The following UGT8 variants were observed in gnomAD, a reference collection of about 807,000 sequenced individuals.
The protein encoded by UGT8 is 2-hydroxyacylsphingosine 1-beta-galactosyltransferase.
UGT8 carries 12 observed loss-of-function variants against 40.5 expected under a neutral mutation model. The observed-to-expected ratio is 0.30, with a 90% confidence interval of 0.19 to 0.48. The LOEUF (loss-of-function observed/expected upper bound fraction) is 0.48, where lower values mean the gene tolerates loss of function less well. Ranked by LOEUF, UGT8 falls within the 20% of genes least tolerant of loss-of-function variation. The probability of loss-of-function intolerance (pLI) is 0.99; values close to 1 mark genes in which losing one functional copy is unlikely to be tolerated. For missense variants in UGT8, 513 were observed against 648.7 expected, an observed-to-expected ratio of 0.79 and a Z score of 2.27; for synonymous variants, 224 against 240.4, an observed-to-expected ratio of 0.93 and a Z score of 0.63.
At position 114,598,917 on chromosome 4, in the gene UGT8, GGATACAATTACGCGGCA is replaced by G. The variant is rs1310703399; in HGVS notation, c.-57_-41del. 1 of 152,176 alleles carries G rather than the reference GGATACAATTACGCGGCA, an allele frequency of 6.6e-6. No individual in the cohort carries two copies. The highest frequency in any genetic ancestry group is 1.5e-5 in the Non-Finnish European group (1 of 68,114). 9.4% of individuals were successfully genotyped at this position (152,176 alleles called of 1,614,324 possible). On this transcript the variant is annotated 5_prime_UTR_variant, in exon 1 of 6. Transcript: ENST00000310836. ...CACAAACACAGGTCCCTTCTGTCCCGGATACAATTACGCGGCAGACACACACTCAAACTCGCGCGGGG... is the reference window on the plus strand; with the variant it reads ...CACAAACACAGGTCCCTTCTGTCCCGGACACACACTCAAACTCGCGCGGGG...
Position 114,652,815 on chromosome 4 carries a change from T to G in UGT8, c.823-11180T>G, listed in dbSNP as rs114733902. ...TTGATAACTGATGTTTATTCTAACGTTGGAGTCTTTGCTGGGTCCAGTTAG... is the reference window on the plus strand; with the variant it reads ...TTGATAACTGATGTTTATTCTAACGGTGGAGTCTTTGCTGGGTCCAGTTAG... On this transcript the variant is annotated intron_variant, in intron 2 of 5. Coordinates refer to ENST00000310836, the MANE Select transcript of UGT8 (RefSeq NM_001128174.3). Among the ~76,000 whole-genome samples, 1,099 of 152,188 alleles carry G rather than the reference T, an allele frequency of 7.2e-3. 15 individuals carry two copies. The highest frequency in any genetic ancestry group is 0.025 in the African/African-American group (1,018 of 41,540).
intron 2 of UGT8, among the ~76,000 whole-genome samples, chr4:114,662,942 G>C (rs1056965226): frequency 6.7e-6 from 1 of 148,234 alleles, no homozygotes; most frequent in African/African-American, 2.5e-5. Context: ...TCAGCCTCTC[G>C]AGTAGCTGGG....
At chr4:114,640,033 G>T (rs369751602) in intron 2 of UGT8, among the ~76,000 whole-genome samples, 25 of 139,226 alleles carry the variant, frequency 1.8e-4, no homozygotes, top group Non-Finnish European at 2.3e-4. Flanking sequence ...ATGTTTGTTT[G>T]TTTTTTTTTT....
At chr4:114,633,944 A>G (rs962543274) in intron 2 of UGT8, among the ~76,000 whole-genome samples, 1 of 152,092 alleles carries the variant, frequency 6.6e-6, no homozygotes, top group Admixed American at 6.5e-5. Flanking sequence ...ACTGTCTAAA[A>G]AAAAAAAAGG....
At chr4:114,654,010 CTG>C (rs1219448814) in intron 2 of UGT8, among the ~76,000 whole-genome samples, 1 of 152,078 alleles carries the variant, frequency 6.6e-6, no homozygotes, top group African/African-American at 2.4e-5. Context: ...GCACTGCGCT[CTG>C]TCTTTGTTGG....
At chr4:114,650,721 G>T (rs1195253423) in intron 2 of UGT8, among the ~76,000 whole-genome samples, 1 of 151,888 alleles carries the variant, frequency 6.6e-6, no homozygotes, top group Non-Finnish European at 1.5e-5. Context: ...CAGTCTTCAG[G>T]TTACAGGAAT....
At chr4:114,617,949 A>G (rs947127145) in intron 1 of UGT8, among the ~76,000 whole-genome samples, 2 of 152,224 alleles carry the variant, frequency 1.3e-5, no homozygotes, top group African/African-American at 2.4e-5. Context: ...ATCCTGAAAA[A>G]TATAAGAAAA....
At chr4:114,645,708 A>C (rs1473696529) in intron 2 of UGT8, among the ~76,000 whole-genome samples, 1 of 152,216 alleles carries the variant, frequency 6.6e-6, no homozygotes, top group African/African-American at 2.4e-5. Flanking sequence ...AATGACCTTA[A>C]GTTGACATGT....
chr4:114,645,458 T>G (rs982377690), intron 2 of UGT8, among the ~76,000 whole-genome samples: 1 of 152,224 alleles, frequency 6.6e-6, no homozygotes, highest in Non-Finnish European at 1.5e-5. Flanking sequence ...CCTGTATTTC[T>G]AACCACTGTT....
At chr4:114,669,973 A>G (rs1468154206) in intron 5 of UGT8, among the ~76,000 whole-genome samples, 1 of 152,186 alleles carries the variant, frequency 6.6e-6, no homozygotes, top group Non-Finnish European at 1.5e-5. Flanking sequence ...GGTGATAATT[A>G]TTGAAAATAT....
intron 2 of UGT8, among the ~76,000 whole-genome samples, chr4:114,649,663 C>T (rs1733784886): frequency 6.6e-6 from 1 of 152,110 alleles, no homozygotes; most frequent in South Asian, 2.1e-4. Flanking sequence ...CATTGGCTAG[C>T]TATGTGTCCA....
chr4:114,608,239 C>CT (rs1319887668), intron 1 of UGT8, among the ~76,000 whole-genome samples: 2 of 152,156 alleles, frequency 1.3e-5, no homozygotes, highest in African/African-American at 4.8e-5. Flanking sequence ...TTCCCAGTCT[C>CT]TGTCACTTTT....
chr4:114,638,508 G>A (rs957881874), intron 2 of UGT8, among the ~76,000 whole-genome samples: 1 of 152,254 alleles, frequency 6.6e-6, no homozygotes, highest in East Asian at 1.9e-4. Flanking sequence ...AATTTTAGGA[G>A]CATTCATCTG....
At chr4:114,648,117 T>C (rs1733687380) in intron 2 of UGT8, among the ~76,000 whole-genome samples, 1 of 152,196 alleles carries the variant, frequency 6.6e-6, no homozygotes, top group Non-Finnish European at 1.5e-5. Flanking sequence ...TAATAAAAGA[T>C]TCCTTGTTTT....
intron 2 of UGT8, among the ~76,000 whole-genome samples, chr4:114,634,581 A>G (rs1394133609): frequency 6.6e-6 from 1 of 152,220 alleles, no homozygotes; most frequent in African/African-American, 2.4e-5. Context: ...TTGGGTATGT[A>G]TACCTGTGGT....
In UGT8 at chr4:114,623,138, A is replaced by G. The variant is rs1018902432; in HGVS notation, c.258A>G (p.Leu86=). ...IFNSTTSDAF[L]QSKMRNIFSG... Reference sequence around the variant, plus strand: ...ACAGTACCACCTCAGATGCTTTCCTACAGTCCAAGATGCGGAATATTTTCT... The same window carrying G: ...ACAGTACCACCTCAGATGCTTTCCTGCAGTCCAAGATGCGGAATATTTTCT... The change falls in exon 2 of 6, where the codon CTA becomes CTG. Residue 86 remains leucine, a synonymous_variant. Coordinates refer to ENST00000310836, the MANE Select transcript of UGT8 (RefSeq NM_001128174.3). 2.5e-6 allele frequency: 4 copies of G among 1,613,958 alleles called. No individual in the cohort carries two copies. The South Asian group carries it at 3.3e-5, about 13-fold the overall frequency.
At chr4:114,616,890 C>T (rs185560038) in intron 1 of UGT8, among the ~76,000 whole-genome samples, 1 of 152,166 alleles carries the variant, frequency 6.6e-6, no homozygotes, top group East Asian at 1.9e-4. Flanking sequence ...CATATATGAA[C>T]CATTGATACC....
chr4:114,664,208 A>T, intron 3 of UGT8, 71 bp downstream of exon 3: 1 of 1,511,596 alleles, frequency 6.6e-7, no homozygotes, highest in Non-Finnish European at 9.1e-7. Flanking sequence ...CACAGGTCCC[A>T]GTAAAGCACA....
At chr4:114,642,030 A>G (rs900199817) in intron 2 of UGT8, among the ~76,000 whole-genome samples, 1 of 152,152 alleles carries the variant, frequency 6.6e-6, no homozygotes, top group African/African-American at 2.4e-5. Flanking sequence ...AAAAGAGGAA[A>G]GGGGGCTTAT....
Sources: gnomAD v4.1 joint callset for allele counts (sites outside exome capture counted in the v4.1 genomes callset) on GRCh38, gnomAD v4.1.1 for gene constraint, MANE v1.5 for transcripts, NCBI Gene and HGNC (gene_info 2026-07-23, HGNC 2026-07-21) for gene names.